ZFAT: variants seen among roughly 807,000 people sequenced by gnomAD.
ZFAT encodes the protein zinc finger protein ZFAT.
A neutral mutation model predicts 117.7 loss-of-function variants in ZFAT; 64 were observed. The observed-to-expected ratio is 0.54, with a 90% CI of 0.44 to 0.67. ZFAT has a LOEUF of 0.67. Among genes scored for constraint, ZFAT ranks in the 30% least tolerant of loss-of-function variants. ZFAT has a pLI of 0.00. For synonymous variants in ZFAT, 679 were observed against 615.0 expected (o/e 1.10, Z -1.54); for missense variants, 1,433 against 1,584.5 (o/e 0.90, Z 1.62).
the ZFAT span, among the ~76,000 whole-genome samples, chr8:134,731,772 C>G: frequency 3.3e-5 from 5 of 151,682 alleles, no homozygotes; most frequent in African/African-American, 1.2e-4. Flanking sequence ...AGCGGCTAGT[C>G]CCAGATAAAA....
intron 7 of ZFAT, among the ~76,000 whole-genome samples, chr8:134,591,419 C>G (rs954705619): frequency 6.6e-6 from 1 of 152,224 alleles, no homozygotes; most frequent in Admixed American, 6.5e-5. Context: ...TAGGAAGAAG[C>G]TTTTGTGAAT....
chr8:134,538,024 T>A (rs932946384), intron 11 of ZFAT, among the ~76,000 whole-genome samples: 3 of 152,132 alleles, frequency 2.0e-5, no homozygotes, highest in African/African-American at 7.2e-5. Context: ...GGTCTAGAAC[T>A]CAGAGGACAG....
intron 1 of ZFAT, among the ~76,000 whole-genome samples, chr8:134,710,207 A>C (rs559678484): frequency 7.9e-5 from 12 of 152,354 alleles, no homozygotes; most frequent in African/African-American, 2.6e-4. Context: ...AAGATATTTC[A>C]CGTTTATCAA....
chr8:134,687,794 T>G (rs1202268198), intron 1 of ZFAT, among the ~76,000 whole-genome samples: 1 of 152,194 alleles, frequency 6.6e-6, no homozygotes, highest in East Asian at 1.9e-4. Context: ...TTTTCTAGAG[T>G]ACTGGGGAGA....
chr8:134,662,342 C>A (rs1332478478), intron 1 of ZFAT, among the ~76,000 whole-genome samples: 1 of 152,158 alleles, frequency 6.6e-6, no homozygotes, highest in Non-Finnish European at 1.5e-5. Flanking sequence ...TCATAGCAAG[C>A]AAGAAACAGA....
At chr8:134,725,047 C>A in the ZFAT span, among the ~76,000 whole-genome samples, 3 of 152,186 alleles carry the variant, frequency 2.0e-5, no homozygotes, top group Non-Finnish European at 4.4e-5. Context: ...CCTACCCCTG[C>A]TCCTCTTTGC....
the ZFAT span, among the ~76,000 whole-genome samples, chr8:134,762,693 C>T: frequency 1.3e-5 from 2 of 152,194 alleles, no homozygotes; most frequent in African/African-American, 2.4e-5. Context: ...TCTTCAGATT[C>T]ATCCTTTTCC....
At chr8:134,818,206 A>G in the ZFAT span, among the ~76,000 whole-genome samples, 5 of 152,350 alleles carry the variant, frequency 3.3e-5, no homozygotes, top group South Asian at 6.2e-4. Context: ...GAGACAAACC[A>G]TAGACTGGAA....
chr8:134,562,551 T>G (rs1824129075), intron 11 of ZFAT, among the ~76,000 whole-genome samples: 1 of 152,174 alleles, frequency 6.6e-6, no homozygotes, highest in Non-Finnish European at 1.5e-5. Context: ...CCCTAAGTTG[T>G]GGGATGAGAG....
chr8:134,675,701 G>A (rs924571377), intron 1 of ZFAT, among the ~76,000 whole-genome samples: 7 of 152,082 alleles, frequency 4.6e-5, no homozygotes, highest in Admixed American at 2.0e-4. Context: ...GAGAAAGGTC[G>A]GGTTAGCCAC....
chr8:134,639,721 G>A (rs1586870564), intron 2 of ZFAT: 1 of 444,616 alleles, frequency 2.2e-6, no homozygotes, highest in East Asian at 7.2e-5. Flanking sequence ...ATCTACTGAA[G>A]CAGCAATTCA....
chr8:134,785,316 G>A, the ZFAT span: 1 of 152,008 alleles, frequency 6.6e-6, no homozygotes, highest in African/African-American at 2.4e-5. Context: ...CCACGTCTGT[G>A]GCTGGCCCTC....
the ZFAT span, among the ~76,000 whole-genome samples, chr8:134,760,882 A>G: frequency 2.0e-5 from 3 of 152,198 alleles, no homozygotes; most frequent in African/African-American, 7.2e-5. Flanking sequence ...TACTAAGGGG[A>G]AAAATTCCAG....
chr8:134,695,568 G>C (rs1213455108), intron 1 of ZFAT, among the ~76,000 whole-genome samples: 1 of 145,484 alleles, frequency 6.9e-6, no homozygotes, highest in African/African-American at 2.6e-5. Context: ...ACCACCCCCA[G>C]GCCCAGGCGG....
At chr8:134,529,397 GCAATAC>G (rs1821247303) in intron 12 of ZFAT, among the ~76,000 whole-genome samples, 3 of 152,224 alleles carry the variant, frequency 2.0e-5, no homozygotes. Context: ...GCCCACTGAA[GCAATAC>G]AAGTATTTCT....
At chr8:134,700,377 G>A (rs769588745) in intron 1 of ZFAT, among the ~76,000 whole-genome samples, 9 of 152,148 alleles carry the variant, frequency 5.9e-5, no homozygotes, top group Non-Finnish European at 1.2e-4. Context: ...GGAGAGAAAG[G>A]CAGGCTAGAT....
At chr8:134,608,606 A>T (rs535892319) in intron 5 of ZFAT, 123 bp downstream of exon 5, 5 of 1,207,928 alleles carry the variant, frequency 4.1e-6, no homozygotes, top group Admixed American at 5.3e-5. Flanking sequence ...AGGAGTCAGT[A>T]TCTCTTATAA....
the ZFAT span, among the ~76,000 whole-genome samples, chr8:134,811,013 A>G: frequency 3.3e-5 from 5 of 152,194 alleles, no homozygotes; most frequent in African/African-American, 1.2e-4. Context: ...AGTAAAAGAA[A>G]AAAAAAAGCA....
At chr8:134,630,859 C>G (rs1436548716) in intron 3 of ZFAT, among the ~76,000 whole-genome samples, 1 of 152,188 alleles carries the variant, frequency 6.6e-6, no homozygotes, top group Non-Finnish European at 1.5e-5. Context: ...ATTGTTTTAA[C>G]AAGCTATAGA....
Sources: allele counts gnomAD v4.1 joint callset (sites outside exome capture counted in the v4.1 genomes callset), GRCh38; gene constraint gnomAD v4.1.1; transcripts MANE v1.5; gene names NCBI Gene and HGNC (gene_info 2026-07-23, HGNC 2026-07-21).